ASIC2: variants seen among roughly 807,000 people sequenced by gnomAD.
The protein encoded by ASIC2 is acid sensing ion channel subunit 2.
Under a neutral mutation model 57.3 loss-of-function variants are expected in ASIC2, and 25 were observed. The observed-to-expected ratio is 0.44, with a 90% CI of 0.32 to 0.61. ASIC2 has a LOEUF of 0.61. Ranked by LOEUF, ASIC2 falls within the 20% of genes least tolerant of loss-of-function variation. The pLI is 0.06. For synonymous variants in ASIC2, 319 were observed against 307.5 expected (o/e 1.04, Z -0.39); for missense variants, 641 against 738.1 (o/e 0.87, Z 1.52).
chr17:33,531,870 C>T (rs1420682476), intron 1 of ASIC2, among the ~76,000 whole-genome samples: 1 of 152,144 alleles, frequency 6.6e-6, no homozygotes, highest in African/African-American at 2.4e-5. Flanking sequence ...ACTGTGTTCC[C>T]AGCCCTTTGT....
intron 1 of ASIC2, among the ~76,000 whole-genome samples, chr17:33,733,380 C>G (rs982267276): frequency 4.6e-5 from 7 of 152,122 alleles, no homozygotes; most frequent in Non-Finnish European, 1.0e-4. Flanking sequence ...ACCAATCAAC[C>G]TTGTTTGCCT....
chr17:33,190,902 G>C (rs1906389310), intron 1 of ASIC2, among the ~76,000 whole-genome samples: 1 of 152,160 alleles, frequency 6.6e-6, no homozygotes. Context: ...AGTCACTTTG[G>C]AAAACAGTTT....
At position 33,409,690 on chromosome 17, in the gene ASIC2, C is replaced by A. The variant is rs545706929; in HGVS notation, c.556-297623G>T. 3.9e-5 allele frequency among the ~76,000 whole-genome samples: 6 copies of A among 152,192 alleles called. No homozygotes were observed. In the South Asian group the frequency reaches 6.2e-4, roughly 16 times the overall value. On this transcript the variant is annotated intron_variant, in intron 1 of 9. Coordinates refer to the ASIC2 transcript ENST00000359872. ...GAAGTTCTGGTAAAGGAGAGTCTTG[C>A]GGAGGAGGAGGCCGAGGGAGCTGGA...
intron 1 of ASIC2, among the ~76,000 whole-genome samples, chr17:33,435,181 C>A (rs1046020824): frequency 6.6e-6 from 1 of 152,022 alleles, no homozygotes; most frequent in African/African-American, 2.4e-5. Flanking sequence ...CTGAAAAGGC[C>A]TAGAAATAAT....
intron 2 of ASIC2, among the ~76,000 whole-genome samples, chr17:33,104,029 A>T (rs929604734): frequency 2.0e-5 from 3 of 152,088 alleles, no homozygotes; most frequent in African/African-American, 7.2e-5. Context: ...AATGATGTCT[A>T]TTGGCCTTTG....
At chr17:33,242,872 G>A (rs1019101756) in intron 1 of ASIC2, among the ~76,000 whole-genome samples, 2 of 152,138 alleles carry the variant, frequency 1.3e-5, no homozygotes, top group Non-Finnish European at 2.9e-5. Flanking sequence ...GGGAGTAAGA[G>A]ATCTGGATCG....
intron 1 of ASIC2, among the ~76,000 whole-genome samples, chr17:33,170,403 A>T (rs1439910134): frequency 2.0e-5 from 3 of 152,216 alleles, no homozygotes; most frequent in Non-Finnish European, 4.4e-5. Context: ...TAACTATTTG[A>T]CTAGGAGATG....
intron 1 of ASIC2, among the ~76,000 whole-genome samples, chr17:33,136,072 T>C (rs542271487): frequency 6.6e-6 from 1 of 152,348 alleles, no homozygotes; most frequent in Admixed American, 6.5e-5. Flanking sequence ...GTCCTGACCT[T>C]GGGCTCTGAT....
chr17:33,564,086 C>T (rs1916159494), intron 1 of ASIC2, among the ~76,000 whole-genome samples: 1 of 152,128 alleles, frequency 6.6e-6, no homozygotes, highest in Non-Finnish European at 1.5e-5. Flanking sequence ...GCGGCAGCCC[C>T]CCTGAGGAGG....
intron 1 of ASIC2, among the ~76,000 whole-genome samples, chr17:33,119,359 T>A (rs951733123): frequency 1.3e-5 from 2 of 152,262 alleles, no homozygotes; most frequent in African/African-American, 4.8e-5. Flanking sequence ...TAGACTGTTT[T>A]CAAAATAATA....
chr17:33,292,483 C>T lies in ASIC2; in HGVS notation c.-368G>A. On this transcript the variant is annotated 5_prime_UTR_variant, in exon 1 of 10. Coordinates refer to ENST00000225823, the MANE Select transcript of ASIC2 (RefSeq NM_183377.2). The stretch of plus-strand genomic sequence containing the variant: ...AGTCCCTGGGTGCTGCGCCCGCCTT[C>T]CCTCGTCCTGGACCTCGGGGGACCC... The T allele has an allele frequency of 1.0e-6, 1 of 985,714 alleles. No individual in the cohort carries two copies. Among genetic ancestry groups the T allele is most frequent in the Non-Finnish European group, 1.2e-6 (1 of 830,222 alleles). The allele number at this position is 985,714 out of a possible 1,614,324, so 61.1% of individuals were successfully genotyped here.
intron 1 of ASIC2, among the ~76,000 whole-genome samples, chr17:33,182,368 A>T (rs757545828): frequency 6.6e-6 from 1 of 152,168 alleles, no homozygotes; most frequent in Non-Finnish European, 1.5e-5. Context: ...AGAACCAGTA[A>T]GATAATAAAT....
chr17:33,131,982 A>G (rs1314296798), intron 1 of ASIC2, among the ~76,000 whole-genome samples: 1 of 152,080 alleles, frequency 6.6e-6, no homozygotes, highest in African/African-American at 2.4e-5. Context: ...GGAGAAAACC[A>G]TCTCCCAAGC....
At chr17:33,928,958 G>A (rs1366505774) in intron 1 of ASIC2, among the ~76,000 whole-genome samples, 1 of 152,154 alleles carries the variant, frequency 6.6e-6, no homozygotes, top group Admixed American at 6.5e-5. Context: ...GGAGGCGCTC[G>A]TTCTTGGATT....
At chr17:33,638,552 T>C (rs1906447729) in intron 1 of ASIC2, among the ~76,000 whole-genome samples, 1 of 151,560 alleles carries the variant, frequency 6.6e-6, no homozygotes, top group African/African-American at 2.4e-5. Flanking sequence ...AATGCATGCC[T>C]GCCTAGTTTG....
At chr17:33,869,360 C>A (rs1443750669) in intron 1 of ASIC2, among the ~76,000 whole-genome samples, 1 of 152,152 alleles carries the variant, frequency 6.6e-6, no homozygotes, top group Non-Finnish European at 1.5e-5. Context: ...GGCAGTTCCT[C>A]AAAACTGACC....
At chr17:33,476,264 A>G (rs1030222300) in intron 1 of ASIC2, among the ~76,000 whole-genome samples, 2 of 152,098 alleles carry the variant, frequency 1.3e-5, no homozygotes, top group Admixed American at 6.5e-5. Flanking sequence ...TGCGACCTCC[A>G]CCATCCCATT....
intron 1 of ASIC2, among the ~76,000 whole-genome samples, chr17:33,456,002 G>A (rs1912439343): frequency 6.6e-6 from 1 of 152,324 alleles, no homozygotes; most frequent in Admixed American, 6.5e-5. Context: ...CACAGAGTTT[G>A]TTAGCAGCTA....
intron 3 of ASIC2, among the ~76,000 whole-genome samples, chr17:33,053,781 C>CT (rs111982652): frequency 0.031 from 4,749 of 152,062 alleles, 230 homozygotes; most frequent in African/African-American, 0.099. Flanking sequence ...TGCCTTTACT[C>CT]TTTTTTTTCC....
Sources: gnomAD v4.1 joint callset for allele counts (sites outside exome capture counted in the v4.1 genomes callset) on GRCh38, gnomAD v4.1.1 for gene constraint, MANE v1.5 for transcripts, NCBI Gene and HGNC (gene_info 2026-07-23, HGNC 2026-07-21) for gene names.